Variants in SYNPO2 observed in about 807,000 individuals in gnomAD.
SYNPO2 encodes synaptopodin 2.
SYNPO2 carries 56 observed loss-of-function variants against 85.0 expected under a neutral mutation model. That is an observed-to-expected ratio of 0.66 (90% CI 0.53 to 0.82). The LOEUF is 0.82. Ranked by LOEUF, SYNPO2 falls within the 40% of genes least tolerant of loss-of-function variation. SYNPO2 has a pLI of 0.00. For synonymous variants in SYNPO2, 602 were observed against 591.1 expected, an observed-to-expected ratio of 1.02 and a Z score of -0.27; for missense variants, 1,575 against 1,534.2, an observed-to-expected ratio of 1.03 and a Z score of -0.44.
chr4:118,935,773 A>G lies in SYNPO2; in HGVS notation c.105+46632A>G, dbSNP rs577022132. Among the ~76,000 whole-genome samples the G allele has an allele frequency of 1.2e-3, 178 of 152,382 alleles. 4 individuals carry two copies. Among genetic ancestry groups the G allele is most frequent in the African/African-American group, 4.0e-3 (165 of 41,596 alleles). The stretch of plus-strand genomic sequence containing the variant: ...CATATTAATATCTTGTACACTATAT[A>G]CATTATAAACTGTATTTTTACAATA... On this transcript the variant is annotated intron_variant, in intron 1 of 4. Coordinates refer to ENST00000307142, the MANE Select transcript of SYNPO2 (RefSeq NM_133477.3).
chr4:118,959,474 T>C (rs1734995872), intron 1 of SYNPO2, among the ~76,000 whole-genome samples: 1 of 152,230 alleles, frequency 6.6e-6, no homozygotes, highest in Admixed American at 6.5e-5. Flanking sequence ...GCAATAAATA[T>C]GTGGGTGATT....
In SYNPO2 at chr4:118,888,902, C is replaced by G. The variant is rs912104138; in HGVS notation, c.-135C>G. On this transcript the variant is annotated 5_prime_UTR_variant, in exon 1 of 5. Coordinates refer to ENST00000307142, the MANE Select transcript of SYNPO2 (RefSeq NM_133477.3). ...GGGGCGGCGGCTGGGGCAGCGGCTG[C>G]AGCAGCGGCGGACGCTCTGCATTAC... The G allele has an allele frequency of 8.2e-5, 69 of 842,322 alleles. No homozygotes were observed. The highest frequency in any genetic ancestry group is 3.5e-4 in the Middle Eastern group (1 of 2,818). 52.2% of individuals were successfully genotyped at this position (842,322 alleles called of 1,614,324 possible).
intron 1 of SYNPO2, among the ~76,000 whole-genome samples, chr4:118,898,938 T>C (rs528843592): frequency 6.6e-6 from 1 of 152,332 alleles, no homozygotes; most frequent in South Asian, 2.1e-4. Flanking sequence ...GCACCTTCCC[T>C]AAAATGCTTG....
intron 1 of SYNPO2, among the ~76,000 whole-genome samples, chr4:118,972,454 A>C (rs917115315): frequency 3.9e-5 from 6 of 152,218 alleles, no homozygotes; most frequent in Non-Finnish European, 8.8e-5. Context: ...AAAAAAAAAG[A>C]AAAGGGAATT....
At chr4:118,907,508 C>G (rs548980739) in intron 1 of SYNPO2, among the ~76,000 whole-genome samples, 1 of 152,212 alleles carries the variant, frequency 6.6e-6, no homozygotes, top group Admixed American at 6.5e-5. Flanking sequence ...TCATCTATTC[C>G]TTAAACCGCT....
Position 119,058,819 on chromosome 4 carries a change from A to T in SYNPO2, c.*885A>T, listed in dbSNP as rs954910824. On this transcript the variant is annotated 3_prime_UTR_variant, in exon 5 of 5. Transcript: ENST00000307142. ...AAAATCTAATAAATCTTAGATTTTT[A>T]AAAAAGAATTAAAATGTGGGAGTTC... 1 of 152,200 alleles carries T rather than the reference A, an allele frequency of 6.6e-6. No homozygotes were observed. The highest frequency in any genetic ancestry group is 1.5e-5 in the Non-Finnish European group (1 of 68,046). The allele number at this position is 152,200 out of a possible 1,614,324, so 9.4% of individuals were successfully genotyped here. A position where few individuals can be genotyped will look rare whatever the true frequency, so the allele number is the denominator to read the frequency against.
intron 1 of SYNPO2, among the ~76,000 whole-genome samples, chr4:118,910,982 T>C (rs1252233519): frequency 6.6e-6 from 1 of 152,226 alleles, no homozygotes; most frequent in African/African-American, 2.4e-5. Context: ...TGTTAATTTA[T>C]TTTGACTTTT....
At position 119,027,237 on chromosome 4, in the gene SYNPO2, T is replaced by C; in HGVS notation, c.868T>C (p.Cys290Arg). 6.2e-7 allele frequency: 1 copy of C among 1,614,130 alleles called. No individual in the cohort carries two copies. The highest frequency in any genetic ancestry group is 8.5e-7 in the Non-Finnish European group (1 of 1,180,024). Residue 290 changes from cysteine (C) to arginine (R), a missense_variant, in exon 3 of 5, where the codon TGC becomes CGC. Coordinates refer to ENST00000307142, the MANE Select transcript of SYNPO2 (RefSeq NM_133477.3). ...GLPRVEVILD[C>R]SDRQKTEGCR... The stretch of plus-strand genomic sequence containing the variant: ...GCCCCGGGTGGAAGTGATCCTCGAC[T>C]GCTCTGACAGGCAGAAGACAGAAGG...
intron 1 of SYNPO2, among the ~76,000 whole-genome samples, chr4:119,005,791 A>G (rs1174021686): frequency 1.3e-5 from 2 of 152,242 alleles, no homozygotes; most frequent in Non-Finnish European, 2.9e-5. Context: ...AAAATGGCAA[A>G]TAAATATCTA....
intron 1 of SYNPO2, among the ~76,000 whole-genome samples, chr4:118,973,955 T>C (rs541327584): frequency 5.9e-5 from 9 of 152,336 alleles, no homozygotes; most frequent in East Asian, 3.9e-4. Context: ...GATTCTTCTT[T>C]CTTCACAAAA....
In SYNPO2 at chr4:119,058,076, CTGTGTGTGTG is replaced by C. The variant is rs35036907; in HGVS notation, c.*154_*163del. ...AAGTCATTTATCTAAGTTTGTGTTT[CTGTGTGTGTG>C]TGTGTGTGTGTATGTATGTGAATAT... On this transcript the variant is annotated 3_prime_UTR_variant, in exon 5 of 5. Transcript: ENST00000307142. 3.5e-6 allele frequency: 2 copies of C among 565,562 alleles called. No homozygotes were observed. Among genetic ancestry groups the C allele is most frequent in the African/African-American group, 1.9e-5 (1 of 52,964 alleles). 35.0% of individuals were successfully genotyped at this position (565,562 alleles called of 1,614,324 possible). A position where few individuals can be genotyped will look rare whatever the true frequency, so the allele number is the denominator to read the frequency against.
At position 119,030,134 on chromosome 4, in the gene SYNPO2, TG is replaced by T. The variant is rs1410086003; in HGVS notation, c.1360del (p.Asp454ThrfsTer7). On this transcript the variant is annotated frameshift_variant, in exon 4 of 5. Transcript: ENST00000307142. LOFTEE classifies it high-confidence loss of function. ...EVDEELLSDV[D>X]DNTQVVNFDW... is the part of the protein sequence containing the mutation. ...TGGATGAAGAGTTATTGTCTGACGT[TG>T]ACGACAACACACAAGTTGTGAACTT... The T allele has an allele frequency of 6.2e-7, 1 of 1,613,888 alleles. No individual in the cohort carries two copies. The highest frequency in any genetic ancestry group is 8.5e-7 in the Non-Finnish European group (1 of 1,180,002).
chr4:118,999,748 G>A (rs1736755492), intron 1 of SYNPO2, among the ~76,000 whole-genome samples: 1 of 152,256 alleles, frequency 6.6e-6, no homozygotes, highest in South Asian at 2.1e-4. Flanking sequence ...GGCTTTGCAG[G>A]ATAAATCATA....
intron 1 of SYNPO2, among the ~76,000 whole-genome samples, chr4:118,946,176 A>C (rs1387752117): frequency 6.6e-6 from 1 of 152,218 alleles, no homozygotes; most frequent in Admixed American, 6.5e-5. Flanking sequence ...AGAAAAAAAA[A>C]GGGAGGACGA....
intron 4 of SYNPO2, among the ~76,000 whole-genome samples, chr4:119,046,438 G>A (rs1024367946): frequency 2.0e-5 from 3 of 152,166 alleles, no homozygotes; most frequent in Non-Finnish European, 4.4e-5. Context: ...GAGGGCAGCC[G>A]GGGTTGGCAC....
chr4:118,956,637 G>T (rs1356968979), intron 1 of SYNPO2, among the ~76,000 whole-genome samples: 4 of 152,172 alleles, frequency 2.6e-5, no homozygotes, highest in Non-Finnish European at 5.9e-5. Context: ...CTTGGTGGGA[G>T]TTGGGGAGGT....
chr4:118,903,370 G>A (rs959348536), intron 1 of SYNPO2, among the ~76,000 whole-genome samples: 1 of 152,122 alleles, frequency 6.6e-6, no homozygotes, highest in Admixed American at 6.5e-5. Flanking sequence ...CAGTAAAGGG[G>A]TTTGTCGTTA....
intron 4 of SYNPO2, among the ~76,000 whole-genome samples, chr4:119,050,244 ATC>A (rs1015703357): frequency 2.6e-5 from 4 of 152,096 alleles, no homozygotes; most frequent in African/African-American, 9.7e-5. Flanking sequence ...AGGCAGGAGA[ATC>A]ACTTCAACCC....
chr4:119,036,920 G>T (rs1738536074), intron 4 of SYNPO2: 1 of 1,196,402 alleles, frequency 8.4e-7, no homozygotes, highest in Admixed American at 4.3e-5. Flanking sequence ...CCAATAAAGT[G>T]CATCCCAAGT....
Sources: gnomAD v4.1 joint callset for allele counts (sites outside exome capture counted in the v4.1 genomes callset) on GRCh38, gnomAD v4.1.1 for gene constraint, MANE v1.5 for transcripts, NCBI Gene and HGNC (gene_info 2026-07-23, HGNC 2026-07-21) for gene names.